The following CCNY variants were observed in gnomAD, a reference collection of about 807,000 sequenced individuals.
CCNY encodes the protein cyclin Y.
A neutral mutation model predicts 42.8 loss-of-function variants in CCNY; 19 were observed. The ratio of observed to expected loss-of-function variants is 0.44; its 90% CI spans 0.31 to 0.65. CCNY has a LOEUF of 0.65. Ranked by LOEUF, CCNY falls within the 30% of genes least tolerant of loss-of-function variation. CCNY has a pLI of 0.07. For synonymous variants in CCNY, 165 were observed against 162.7 expected, an observed-to-expected ratio of 1.01 and a Z score of -0.11; for missense variants, 370 against 437.3, an observed-to-expected ratio of 0.85 and a Z score of 1.37.
At chr10:35,522,416 A>T (rs1168340489) in intron 4 of CCNY, among the ~76,000 whole-genome samples, 1 of 152,192 alleles carries the variant, frequency 6.6e-6, no homozygotes, top group Non-Finnish European at 1.5e-5. Context: ...TCTACATATC[A>T]GTCTCAAAAC....
intron 1 of CCNY, among the ~76,000 whole-genome samples, chr10:35,469,819 G>T (rs193160624): frequency 2.7e-4 from 41 of 151,822 alleles, no homozygotes; most frequent in Non-Finnish European, 3.2e-4. Flanking sequence ...TGGAGAGATA[G>T]GGAGATGGAG....
chr10:35,374,356 G>A (rs1424338672), intron 1 of CCNY, among the ~76,000 whole-genome samples: 1 of 152,136 alleles, frequency 6.6e-6, no homozygotes, highest in Non-Finnish European at 1.5e-5. Flanking sequence ...CTCCTCATAG[G>A]AAACAGGAAA....
At chr10:35,568,449 G>T (rs996408757) in intron 9 of CCNY, among the ~76,000 whole-genome samples, 1 of 152,232 alleles carries the variant, frequency 6.6e-6, no homozygotes, top group African/African-American at 2.4e-5. Context: ...GAGTAGCATG[G>T]TCCCCCGTCC....
At chr10:35,426,705 A>G (rs1838281772) in intron 1 of CCNY, among the ~76,000 whole-genome samples, 1 of 152,240 alleles carries the variant, frequency 6.6e-6, no homozygotes, top group South Asian at 2.1e-4. Context: ...CAATATCTAT[A>G]TTCCTGAGAC....
At chr10:35,473,199 G>A (rs747696848) in intron 1 of CCNY, among the ~76,000 whole-genome samples, 2 of 152,148 alleles carry the variant, frequency 1.3e-5, no homozygotes, top group Non-Finnish European at 2.9e-5. Flanking sequence ...ATTTTGTGTA[G>A]GATAAACCAG....
intron 1 of CCNY, among the ~76,000 whole-genome samples, chr10:35,337,803 C>T (rs1296416581): frequency 6.6e-6 from 1 of 152,024 alleles, no homozygotes; most frequent in Non-Finnish European, 1.5e-5. Context: ...CGAGAATGCT[C>T]TTTAAAAGAT....
intron 3 of CCNY, among the ~76,000 whole-genome samples, chr10:35,308,604 A>G (rs907938556): frequency 1.3e-5 from 2 of 152,028 alleles, no homozygotes; most frequent in Non-Finnish European, 1.5e-5. Flanking sequence ...GGGAGCCTGG[A>G]AGAGGTGTGG....
In CCNY at chr10:35,447,140, G is replaced by A. The variant is rs533310420; in HGVS notation, c.155-36264G>A. 3.3e-5 allele frequency among the ~76,000 whole-genome samples: 5 copies of A among 152,312 alleles called. No homozygotes were observed. In the East Asian group the frequency reaches 9.7e-4, roughly 29 times the overall value. Reference sequence around the variant, plus strand: ...AAAGTACAAAAAATTAGCCGGATGTGGTGGCGGGCGCCTGTAGTCTCAGCT... The same window carrying A: ...AAAGTACAAAAAATTAGCCGGATGTAGTGGCGGGCGCCTGTAGTCTCAGCT... On this transcript the variant is annotated intron_variant, in intron 1 of 9. Transcript: ENST00000374704.
intron 1 of CCNY, among the ~76,000 whole-genome samples, chr10:35,415,402 T>G (rs1264146929): frequency 6.6e-6 from 1 of 152,102 alleles, no homozygotes; most frequent in East Asian, 1.9e-4. Flanking sequence ...TTGTTGGCCC[T>G]CAGGGGAGCT....
chr10:35,377,725 T>G (rs758755470), intron 1 of CCNY, among the ~76,000 whole-genome samples: 1 of 152,236 alleles, frequency 6.6e-6, no homozygotes, highest in African/African-American at 2.4e-5. Flanking sequence ...AATAAAAATA[T>G]ACTAATTTAA....
At chr10:35,411,917 C>G (rs746240006) in intron 1 of CCNY, among the ~76,000 whole-genome samples, 2 of 152,218 alleles carry the variant, frequency 1.3e-5, no homozygotes, top group Non-Finnish European at 2.9e-5. Context: ...CTGGCTTTTC[C>G]TAACAAGCCT....
chr10:35,256,931 C>T (rs2095715977), intron 3 of CCNY, among the ~76,000 whole-genome samples: 1 of 151,884 alleles, frequency 6.6e-6, no homozygotes, highest in African/African-American at 2.4e-5. Context: ...TATAATAATA[C>T]TAGATTTTTG....
At chr10:35,280,372 A>G (rs374325572) in intron 3 of CCNY, among the ~76,000 whole-genome samples, 4 of 104,506 alleles carry the variant, frequency 3.8e-5, no homozygotes, top group East Asian at 2.8e-4. Context: ...AAAGGAAGAA[A>G]GGAAGAAGGG....
intron 1 of CCNY, among the ~76,000 whole-genome samples, chr10:35,247,919 G>A (rs2095709363): frequency 5.9e-5 from 8 of 136,224 alleles, no homozygotes; most frequent in African/African-American, 1.4e-4. Flanking sequence ...AGAAAGAAAA[G>A]AATAAATAAA....
At position 35,336,926 on chromosome 10, in the gene CCNY, C is replaced by T; in HGVS notation, c.-128C>T. The stretch of plus-strand genomic sequence containing the variant: ...CCCGGCGGCCGGCCGCCGTTCCGCC[C>T]CCTCCCGTGGCGGCGAGCGGGCGGG... On this transcript the variant is annotated 5_prime_UTR_variant, in exon 1 of 10. Coordinates refer to ENST00000374704, the MANE Select transcript of CCNY (RefSeq NM_145012.6). 1.8e-6 allele frequency: 1 copy of T among 564,048 alleles called. No individual in the cohort carries two copies. The highest frequency in any genetic ancestry group is 2.3e-6 in the Non-Finnish European group (1 of 431,602). The allele number at this position is 564,048 out of a possible 1,614,324, so 34.9% of individuals were successfully genotyped here.
chr10:35,430,628 G>C (rs958326123), intron 1 of CCNY, among the ~76,000 whole-genome samples: 1 of 152,152 alleles, frequency 6.6e-6, no homozygotes, highest in African/African-American at 2.4e-5. Context: ...AAAGAGGATT[G>C]AGGGTGGAAG....
At chr10:35,515,021 T>C (rs1437519518) in intron 3 of CCNY, among the ~76,000 whole-genome samples, 1 of 152,208 alleles carries the variant, frequency 6.6e-6, no homozygotes. Flanking sequence ...AGGAAGAGAA[T>C]TGGTTTAAAT....
intron 1 of CCNY, among the ~76,000 whole-genome samples, chr10:35,346,412 T>C (rs1456431915): frequency 6.6e-6 from 1 of 152,182 alleles, no homozygotes; most frequent in Non-Finnish European, 1.5e-5. Context: ...AAATTGAGCA[T>C]GTCAGCCTGG....
chr10:35,459,282 G>C (rs1197591093), intron 1 of CCNY, among the ~76,000 whole-genome samples: 1 of 152,206 alleles, frequency 6.6e-6, no homozygotes, highest in African/African-American at 2.4e-5. Flanking sequence ...CTCTTCCAAA[G>C]GTGTAGATAG....
Sources: gnomAD v4.1 joint callset for allele counts (sites outside exome capture counted in the v4.1 genomes callset) on GRCh38, gnomAD v4.1.1 for gene constraint, MANE v1.5 for transcripts, NCBI Gene and HGNC (gene_info 2026-07-23, HGNC 2026-07-21) for gene names.